The following PDE4DIP variants were observed in gnomAD, a reference collection of about 807,000 sequenced individuals.
PDE4DIP encodes the protein phosphodiesterase 4D interacting protein.
In PDE4DIP, 59 loss-of-function variants were observed where a neutral mutation model predicts 221.4. The observed-to-expected ratio is 0.27, with a 90% CI of 0.22 to 0.33. PDE4DIP has a LOEUF of 0.33. Ranked by LOEUF, PDE4DIP falls within the 10% of genes least tolerant of loss-of-function variation. The pLI is 1.00. For missense variants in PDE4DIP, 1,036 were observed against 2,154.2 expected, an observed-to-expected ratio of 0.48 and a Z score of 10.28; for synonymous variants, 404 against 815.9, an observed-to-expected ratio of 0.50 and a Z score of 8.60.
intron 4 of PDE4DIP, among the ~76,000 whole-genome samples, chr1:148,936,704 A>C (rs1553475136): frequency 6.6e-6 from 1 of 152,230 alleles, no homozygotes; most frequent in South Asian, 2.1e-4. Flanking sequence ...TCTGTTTTTA[A>C]ATTTTTAATT....
At chr1:148,819,661 CAG>C (rs1219747417) in intron 1 of PDE4DIP, among the ~76,000 whole-genome samples, 1 of 27,966 alleles carries the variant, frequency 3.6e-5, no homozygotes, top group African/African-American at 2.2e-4. Context: ...CTAGGCCAGT[CAG>C]AGAGTAAATA....
chr1:148,977,829 T>C, intron 17 of PDE4DIP, 108 bp from the exon 21 acceptor site: 1 of 1,505,822 alleles, frequency 6.6e-7, no homozygotes, highest in South Asian at 1.3e-5. Flanking sequence ...GCCCTATTCA[T>C]GTTCTCATTT....
At chr1:149,000,036 C>G (rs1553572836) in intron 23 of PDE4DIP, among the ~76,000 whole-genome samples, 1 of 151,698 alleles carries the variant, frequency 6.6e-6, no homozygotes, top group African/African-American at 2.4e-5. Context: ...GGTAAAATAC[C>G]TATCCCCTTT....
chr1:148,929,414 C>T, intron 2 of PDE4DIP, 141 bp downstream of exon 5: 1 of 1,242,848 alleles, frequency 8.0e-7, no homozygotes, highest in Middle Eastern at 2.2e-4. Flanking sequence ...AATAGATTTT[C>T]ATATGCTGTG....
At chr1:148,978,295 G>C in exon 19 of PDE4DIP, 3 of 1,604,934 alleles carry the variant, frequency 1.9e-6, no homozygotes, top group Non-Finnish European at 1.7e-6. Flanking sequence ...AAATGCAACT[G>C]GTTGATCCTG....
intron 2 of PDE4DIP, among the ~76,000 whole-genome samples, chr1:148,864,378 T>C (rs2500382): frequency 1.2e-4 from 17 of 140,618 alleles, no homozygotes; most frequent in Non-Finnish European, 1.6e-4. Flanking sequence ...TATCTATTGT[T>C]ACTATTAATG....
chr1:149,021,269 A>G, intron 37 of PDE4DIP, 116 bp downstream of exon 40: 1 of 777,442 alleles, frequency 1.3e-6, no homozygotes, highest in Non-Finnish European at 2.1e-6. Context: ...CTGTTGCAGA[A>G]ACCCCCACCC....
chr1:148,963,748 CTTT>C (rs66921099), intron 9 of PDE4DIP, among the ~76,000 whole-genome samples: 4 of 89,158 alleles, frequency 4.5e-5, no homozygotes, highest in South Asian at 9.1e-4. Flanking sequence ...TTCTTTCCTT[CTTT>C]TTTTTTTTTT....
At chr1:149,018,024 A>G in intron 34 of PDE4DIP, 145 bp downstream of exon 37, 1 of 683,736 alleles carries the variant, frequency 1.5e-6, no homozygotes, top group African/African-American at 1.8e-5. Flanking sequence ...CTTTCTGAAT[A>G]TATCTGAGTT....
At position 148,927,588 on chromosome 1, in the gene PDE4DIP, T is replaced by G. The variant is rs587636142; in HGVS notation, c.142-1609T>G. Among the ~76,000 whole-genome samples, 6 of 152,110 alleles carry G rather than the reference T, an allele frequency of 3.9e-5. No individual in the cohort carries two copies. In the South Asian group the frequency reaches 8.3e-4, roughly 21 times the overall value. On this transcript the variant is annotated intron_variant, in intron 1 of 43. Coordinates refer to ENST00000369354, the Ensembl canonical transcript of PDE4DIP. ...TTCTAGAAGTCTAGGTGTTGGTGGT[T>G]ATTATATGGCGATAGTAAAGTAAAA...
chr1:148,920,193 C>A (rs1349474346), intron 1 of PDE4DIP, among the ~76,000 whole-genome samples: 1 of 146,644 alleles, frequency 6.8e-6, no homozygotes, highest in Non-Finnish European at 1.5e-5. Context: ...AGTGCAGTGG[C>A]GCAATCTTCG....
chr1:148,944,870 C>T (rs1256348382), intron 5 of PDE4DIP, among the ~76,000 whole-genome samples: 6 of 151,470 alleles, frequency 4.0e-5, no homozygotes, highest in African/African-American at 7.3e-5. Context: ...GTCTCCGTCT[C>T]GGAAAAAAAC....
chr1:148,857,239 G>C lies in PDE4DIP; in HGVS notation c.234-6011G>C, dbSNP rs1446899279. On this transcript the variant is annotated intron_variant, in intron 1 of 45. Coordinates refer to the PDE4DIP transcript ENST00000524974. ...TTTGGCAAAAATAGTAAGAAAAAAAGGGGGAGGATGCTCAGTATATTTTCC... is the reference window on the plus strand; with the variant it reads ...TTTGGCAAAAATAGTAAGAAAAAAACGGGGAGGATGCTCAGTATATTTTCC... 2.4e-5 allele frequency among the ~76,000 whole-genome samples: 2 copies of C among 82,900 alleles called. 1 individual carries two copies. Among genetic ancestry groups the C allele is most frequent in the East Asian group, 1.8e-3 (2 of 1,112 alleles). 54.4% of individuals were successfully genotyped at this position (82,900 alleles called of 152,430 possible). A position where few individuals can be genotyped will look rare whatever the true frequency, so the allele number is the denominator to read the frequency against.
At chr1:149,030,185 A>G (rs1553635455) in intron 42 of PDE4DIP, 47 bp from the exon 46 acceptor site, 2 of 1,365,654 alleles carry the variant, frequency 1.5e-6, no homozygotes, top group Non-Finnish European at 1.0e-6. Context: ...AGTAGGGTTA[A>G]TTTCTGCTGG....
exon 18 of PDE4DIP, chr1:148,978,019 C>T: frequency 6.2e-7 from 1 of 1,614,008 alleles, no homozygotes; most frequent in Non-Finnish European, 8.5e-7. Flanking sequence ...GAGTCTCTGA[C>T]CAGGAACATA....
At position 148,981,267 on chromosome 1, in the gene PDE4DIP, C is replaced by A; in HGVS notation, c.2688-3C>A. 1 of 1,612,818 alleles carries A rather than the reference C, an allele frequency of 6.2e-7. No homozygotes were observed. The highest frequency in any genetic ancestry group is 8.5e-7 in the Non-Finnish European group (1 of 1,179,792). The stretch of plus-strand genomic sequence containing the variant: ...TTTCCTTCCATGTGGCATGTTTAAT[C>A]AGCTCTGAGAGAGACCGAACTCTGC... On this transcript the variant is annotated splice_region_variant and splice_polypyrimidine_tract_variant and intron_variant, in intron 20 of 43. Transcript: ENST00000369354.
At chr1:148,970,529 C>T (rs147189460) in intron 14 of PDE4DIP, among the ~76,000 whole-genome samples, 1 of 149,960 alleles carries the variant, frequency 6.7e-6, no homozygotes, top group East Asian at 2.0e-4. Context: ...TCTAAATTTA[C>T]GTGCAAAAGA....
exon 27 of PDE4DIP, chr1:149,005,135 C>T: frequency 1.2e-6 from 2 of 1,614,040 alleles, no homozygotes; most frequent in Non-Finnish European, 1.7e-6. Flanking sequence ...CCAACAAGGT[C>T]ATTCAAAACC....
At chr1:148,893,286 G>A (rs1699485175) in intron 1 of PDE4DIP, among the ~76,000 whole-genome samples, 2 of 123,786 alleles carry the variant, frequency 1.6e-5, no homozygotes, top group South Asian at 5.8e-4. Flanking sequence ...GAGGGATTCG[G>A]AAAACACTGC....
Sources: allele counts gnomAD v4.1 joint callset (sites outside exome capture counted in the v4.1 genomes callset), GRCh38; gene constraint gnomAD v4.1.1; transcripts MANE v1.5; gene names NCBI Gene and HGNC (gene_info 2026-07-23, HGNC 2026-07-21).